Variants in WDR64 observed in about 807,000 individuals in gnomAD.
The protein encoded by WDR64 is WD repeat domain 64.
In WDR64, 112 loss-of-function variants were observed where a neutral mutation model predicts 139.3. The observed-to-expected ratio is 0.80, with a 90% confidence interval of 0.69 to 0.94. WDR64 has a LOEUF of 0.94. Ranked by LOEUF, WDR64 falls within the 40% of genes least tolerant of loss-of-function variation. WDR64 has a pLI of 0.00. For synonymous variants in WDR64, 444 were observed against 437.7 expected (o/e 1.01, Z -0.18); for missense variants, 1,206 against 1,293.1 (o/e 0.93, Z 1.03).
chr1:241,663,939 TG>T (rs199547963), intron 2 of WDR64, among the ~76,000 whole-genome samples: 2 of 152,344 alleles, frequency 1.3e-5, no homozygotes, highest in Middle Eastern at 3.4e-3. Context: ...TTTTTGTTTT[TG>T]TTTTTTTTTC....
chr1:241,771,313 G>C (rs960402892), intron 18 of WDR64, among the ~76,000 whole-genome samples: 4 of 152,112 alleles, frequency 2.6e-5, no homozygotes, highest in Non-Finnish European at 5.9e-5. Context: ...CTTAATCTGA[G>C]TTTCTGTTTC....
intron 22 of WDR64, among the ~76,000 whole-genome samples, chr1:241,783,019 G>A (rs1658905476): frequency 6.6e-6 from 1 of 152,142 alleles, no homozygotes; most frequent in Non-Finnish European, 1.5e-5. Flanking sequence ...TCAGTTACAT[G>A]ATAAATTGCC....
chr1:241,693,142 C>T (rs116825666), intron 8 of WDR64, among the ~76,000 whole-genome samples: 2,836 of 152,192 alleles, frequency 0.019, 28 homozygotes, highest in Non-Finnish European at 0.029. Context: ...TTCATTATTG[C>T]CAAAACTTGG....
intron 2 of WDR64, among the ~76,000 whole-genome samples, chr1:241,670,439 G>A (rs61825777): frequency 0.021 from 3,241 of 152,068 alleles, 45 homozygotes; most frequent in Non-Finnish European, 0.035. Flanking sequence ...GTTCTTAGCT[G>A]GGGCCCTGCA....
chr1:241,780,438 G>C (rs1658804223), intron 22 of WDR64, among the ~76,000 whole-genome samples: 1 of 152,132 alleles, frequency 6.6e-6, no homozygotes, highest in African/African-American at 2.4e-5. Flanking sequence ...ACCTAGTGCA[G>C]AACCATTTAA....
Position 241,723,391 on chromosome 1 carries a change from A to C in WDR64, c.1149A>C (p.Val383=). 3 of 1,614,018 alleles carry C rather than the reference A, an allele frequency of 1.9e-6. No homozygotes were observed. Among genetic ancestry groups the C allele is most frequent in the Non-Finnish European group, 2.5e-6 (3 of 1,179,908 alleles). The change falls in exon 10 of 28, where the codon GTA becomes GTC. Residue 383 remains valine, a synonymous_variant. Coordinates refer to ENST00000437684, the MANE Select transcript of WDR64 (RefSeq NM_001367482.1). ...ACATGTTCAGTATCGCCGAGATCGT[A>C]ACCAATGAAAAAGATCAACATGTCG... ...VGHMFSIAEI[V]TNEKDQHVVS...
chr1:241,757,279 A>T lies in WDR64; in HGVS notation c.1771-4A>T. The stretch of plus-strand genomic sequence containing the variant: ...TTCATGCACTCACTGGATTTCTGTT[A>T]AAGGGTAAGGAAGATGATATCTACC... On this transcript the variant is annotated splice_region_variant and splice_polypyrimidine_tract_variant and intron_variant, in intron 14 of 27. Coordinates refer to ENST00000437684, the MANE Select transcript of WDR64 (RefSeq NM_001367482.1). The T allele has an allele frequency of 6.2e-7, 1 of 1,607,128 alleles. No individual in the cohort carries two copies.
At chr1:241,744,334 G>T in intron 12 of WDR64, 59 bp from the exon 13 acceptor site, 1 of 1,599,992 alleles carries the variant, frequency 6.3e-7, no homozygotes, top group Non-Finnish European at 8.5e-7. Context: ...GTGTAATTCT[G>T]ATGAGAATTG....
chr1:241,776,454 A>G (rs933669883), intron 21 of WDR64, among the ~76,000 whole-genome samples: 15 of 152,334 alleles, frequency 9.8e-5, no homozygotes, highest in African/African-American at 3.6e-4. Context: ...CTTATTGATA[A>G]TAATTGTCTA....
In WDR64 at chr1:241,770,687, TA is replaced by T; in HGVS notation, c.2252del (p.Lys751ArgfsTer19). 6.4e-7 allele frequency: 1 copy of T among 1,551,382 alleles called. No homozygotes were observed. The highest frequency in any genetic ancestry group is 1.7e-4 in the Middle Eastern group (1 of 5,988). On this transcript the variant is annotated frameshift_variant and splice_region_variant, in exon 18 of 28. Coordinates refer to ENST00000437684, the MANE Select transcript of WDR64 (RefSeq NM_001367482.1). LOFTEE classifies it high-confidence loss of function. ...CESSKGPQSS[K>X]GSKQSIHDSE... The stretch of plus-strand genomic sequence containing the variant: ...AATCCAGCAAAGGTCCACAGAGCAG[TA>T]AGGTAAGCAAGACACAGACAGGGTC...
At chr1:241,667,253 C>T (rs1666055774) in intron 2 of WDR64, among the ~76,000 whole-genome samples, 1 of 152,170 alleles carries the variant, frequency 6.6e-6, no homozygotes, top group Non-Finnish European at 1.5e-5. Context: ...TATTATTTCA[C>T]ACTATTCTCT....
intron 2 of WDR64, 99 bp downstream of exon 2, chr1:241,660,759 C>G: frequency 1.5e-6 from 2 of 1,315,600 alleles, no homozygotes; most frequent in Non-Finnish European, 2.1e-6. Context: ...AGGGGTTGAA[C>G]CACAACGTGC....
chr1:241,750,982 T>C (rs1669957695), intron 14 of WDR64, among the ~76,000 whole-genome samples: 1 of 152,218 alleles, frequency 6.6e-6, no homozygotes, highest in Non-Finnish European at 1.5e-5. Flanking sequence ...TACTTATTAT[T>C]ATTAGTGTAT....
At chr1:241,730,309 A>C (rs892298743) in intron 10 of WDR64, among the ~76,000 whole-genome samples, 2 of 152,212 alleles carry the variant, frequency 1.3e-5, no homozygotes, top group East Asian at 3.9e-4. Context: ...AGCAGTCCCT[A>C]TATAAGGCTT....
chr1:241,712,081 T>A (rs924185613), intron 9 of WDR64, among the ~76,000 whole-genome samples, 200 bp downstream of exon 9: 1 of 152,166 alleles, frequency 6.6e-6, no homozygotes, highest in African/African-American at 2.4e-5. Flanking sequence ...GTGAGAGAAA[T>A]TTTCCTGTAT....
chr1:241,773,441 T>G (rs532192280), intron 20 of WDR64, among the ~76,000 whole-genome samples: 46 of 152,166 alleles, frequency 3.0e-4, no homozygotes, highest in Non-Finnish European at 4.7e-4. Context: ...TATAATTCTT[T>G]TATTTGGGGA....
In WDR64 at chr1:241,796,284, C is replaced by T; in HGVS notation, c.3106C>T (p.Leu1036Phe). 6.2e-7 allele frequency: 1 copy of T among 1,613,614 alleles called. No homozygotes were observed. Among genetic ancestry groups the T allele is most frequent in the Non-Finnish European group, 8.5e-7 (1 of 1,179,770 alleles). The change falls in exon 27 of 28, where the codon CTT becomes TTT. Residue 1036 changes from leucine (L) to phenylalanine (F), a missense_variant. Transcript: ENST00000437684. ...SISSPTSLRF[L>F]PLIGVEAQKD... ...ATCAAGCCCCACTAGTCTAAGATTT[C>T]TTCCACTGATTGGCGTAGAAGCCCA...
rs757905469 is a variant in WDR64, at chr1:241,687,474, C to T, written c.853C>T (p.Leu285=). The change falls in exon 8 of 28, where the codon CTA becomes TTA. Residue 285 remains leucine (L), a synonymous_variant. Transcript: ENST00000437684. ...CTTAATCCCCAGTGTTAAAAGGAAG[C>T]TACATAATGACTGGGTTATGAAAAT... ...SKNFKSVKRK[L]HNDWVMKIRY... 2.5e-6 allele frequency: 4 copies of T among 1,613,874 alleles called. No individual in the cohort carries two copies. Among genetic ancestry groups the T allele is most frequent in the Non-Finnish European group, 3.4e-6 (4 of 1,179,902 alleles).
intron 2 of WDR64, among the ~76,000 whole-genome samples, chr1:241,670,242 C>A (rs1369261383): frequency 6.6e-6 from 1 of 150,692 alleles, no homozygotes; most frequent in African/African-American, 2.4e-5. Context: ...ATTTTTTTTT[C>A]ATGGTAATTT....
Sources: allele counts gnomAD v4.1 joint callset (sites outside exome capture counted in the v4.1 genomes callset), GRCh38; gene constraint gnomAD v4.1.1; transcripts MANE v1.5; gene names NCBI Gene and HGNC (gene_info 2026-07-23, HGNC 2026-07-21).